ULK4: variants seen among roughly 807,000 people sequenced by gnomAD.
ULK4 encodes unc-51 like kinase 4, also known as inactive serine/threonine-protein kinase ULK4.
Under a neutral mutation model 160.6 loss-of-function variants are expected in ULK4, and 133 were observed. The observed-to-expected ratio is 0.83, with a 90% CI of 0.72 to 0.96. The LOEUF (loss-of-function observed/expected upper bound fraction) is 0.96. Among genes scored for constraint, ULK4 ranks in the 40% least tolerant of loss-of-function variants. The probability of loss-of-function intolerance (pLI) is 0.00; values close to 1 mark genes in which losing one functional copy is unlikely to be tolerated. For missense variants in ULK4, 1,580 were observed against 1,499.5 expected (o/e 1.05, Z -0.89); for synonymous variants, 534 against 539.8 (o/e 0.99, Z 0.15).
At chr3:41,851,562 G>C (rs1247592312) in intron 17 of ULK4, among the ~76,000 whole-genome samples, 3 of 152,200 alleles carry the variant, frequency 2.0e-5, no homozygotes, top group African/African-American at 7.2e-5. Context: ...TCTCTGCCAG[G>C]CTTTGGTATC....
intron 32 of ULK4, among the ~76,000 whole-genome samples, chr3:41,553,572 T>C (rs1270244769): frequency 6.6e-6 from 1 of 152,120 alleles, no homozygotes; most frequent in African/African-American, 2.4e-5. Context: ...AGAATGGCTA[T>C]TACCAAAAGG....
At chr3:41,591,805 G>A (rs979749320) in intron 31 of ULK4, among the ~76,000 whole-genome samples, 2 of 152,114 alleles carry the variant, frequency 1.3e-5, no homozygotes, top group African/African-American at 2.4e-5. Flanking sequence ...CAGCCCCCAC[G>A]TTGCACAGTT....
intron 34 of ULK4, among the ~76,000 whole-genome samples, chr3:41,447,376 T>G (rs2083324023): frequency 6.6e-6 from 1 of 152,134 alleles, no homozygotes; most frequent in Non-Finnish European, 1.5e-5. Flanking sequence ...GGAGCTCTTT[T>G]CTGGCACACC....
intron 35 of ULK4, among the ~76,000 whole-genome samples, chr3:41,298,984 T>A (rs1286756057): frequency 6.6e-6 from 1 of 152,126 alleles, no homozygotes; most frequent in East Asian, 1.9e-4. Context: ...CTGCAATTAT[T>A]CTCCCAGCAT....
intron 16 of ULK4, among the ~76,000 whole-genome samples, chr3:41,890,247 C>G (rs1697870023): frequency 6.6e-6 from 1 of 151,924 alleles, no homozygotes; most frequent in Non-Finnish European, 1.5e-5. Flanking sequence ...CCTCAATAAA[C>G]AAGAGAAAGT....
intron 2 of ULK4, among the ~76,000 whole-genome samples, chr3:41,941,894 A>G (rs1699972261): frequency 1.3e-5 from 2 of 152,038 alleles, no homozygotes; most frequent in African/African-American, 4.8e-5. Flanking sequence ...CTGATGAAAA[A>G]TAAAGGGAGC....
At chr3:41,831,531 A>ATATATATATATATAT in intron 18 of ULK4, among the ~76,000 whole-genome samples, 19 of 138,082 alleles carry the variant, frequency 1.4e-4, no homozygotes, top group African/African-American at 4.8e-4. Context: ...ATATATATAT[A>ATATATATATATATAT]TTTTTTTTTC....
At chr3:41,307,159 T>TA (rs61521129) in intron 35 of ULK4, among the ~76,000 whole-genome samples, 1,368 of 126,024 alleles carry the variant, frequency 0.011, 8 homozygotes, top group Admixed American at 0.02. Context: ...ATAAATAAAT[T>TA]AAAAAAAAAA....
chr3:41,940,640 C>G (rs1422398494), intron 2 of ULK4, among the ~76,000 whole-genome samples: 1 of 152,066 alleles, frequency 6.6e-6, no homozygotes. Context: ...CTGGGCAAGA[C>G]AGCAAGACCC....
chr3:41,359,725 C>T (rs1559543757), intron 35 of ULK4, among the ~76,000 whole-genome samples: 2 of 152,046 alleles, frequency 1.3e-5, no homozygotes, highest in African/African-American at 4.8e-5. Flanking sequence ...TCTGGAGAGG[C>T]TTTTATTTTC....
chr3:41,395,277 C>T (rs958158494), intron 35 of ULK4, among the ~76,000 whole-genome samples: 4 of 151,306 alleles, frequency 2.6e-5, no homozygotes, highest in East Asian at 1.9e-4. Flanking sequence ...CTGGGGCAGC[C>T]GTGGATTGTA....
chr3:41,487,411 A>G (rs2084578467), intron 32 of ULK4, among the ~76,000 whole-genome samples: 1 of 152,204 alleles, frequency 6.6e-6, no homozygotes, highest in African/African-American at 2.4e-5. Flanking sequence ...TTTTGTAAAA[A>G]GAGAATTAAG....
chr3:41,733,139 C>T (rs1252250240), intron 22 of ULK4, among the ~76,000 whole-genome samples: 1 of 151,900 alleles, frequency 6.6e-6, no homozygotes, highest in East Asian at 1.9e-4. Flanking sequence ...AAATAATAAA[C>T]GTTTGCAGTG....
chr3:41,721,781 G>A (rs1397505287), intron 22 of ULK4, among the ~76,000 whole-genome samples: 2 of 152,146 alleles, frequency 1.3e-5, no homozygotes, highest in African/African-American at 2.4e-5. Context: ...AATGCTGAGT[G>A]CAAGGCAAAC....
At chr3:41,464,839 C>G (rs1320178025) in intron 32 of ULK4, among the ~76,000 whole-genome samples, 1 of 152,134 alleles carries the variant, frequency 6.6e-6, no homozygotes, top group Non-Finnish European at 1.5e-5. Flanking sequence ...CCAGAGCACC[C>G]ATCTACATAC....
intron 35 of ULK4, among the ~76,000 whole-genome samples, chr3:41,275,959 G>A (rs1172605960): frequency 1.3e-5 from 2 of 152,220 alleles, no homozygotes; most frequent in Non-Finnish European, 2.9e-5. Flanking sequence ...GGACATCCAT[G>A]ATGCAGAAAG....
chr3:41,279,344 C>T (rs1043721539), intron 35 of ULK4, among the ~76,000 whole-genome samples: 2 of 150,564 alleles, frequency 1.3e-5, no homozygotes, highest in African/African-American at 4.9e-5. Flanking sequence ...GATTGATGTA[C>T]CTGAAAATGA....
intron 35 of ULK4, among the ~76,000 whole-genome samples, chr3:41,303,041 A>G (rs1431462667): frequency 2.6e-5 from 4 of 152,236 alleles, no homozygotes; most frequent in African/African-American, 9.6e-5. Flanking sequence ...GGAACAAAAT[A>G]TCACATTCAA....
intron 35 of ULK4, among the ~76,000 whole-genome samples, chr3:41,271,997 AC>A (rs2125686798): frequency 1.3e-5 from 2 of 152,136 alleles, no homozygotes; most frequent in Non-Finnish European, 2.9e-5. Context: ...GCTCACTGCA[AC>A]CTCTGCCTCC....
Sources: allele counts gnomAD v4.1 joint callset (sites outside exome capture counted in the v4.1 genomes callset), GRCh38; gene constraint gnomAD v4.1.1; transcripts MANE v1.5; gene names NCBI Gene and HGNC (gene_info 2026-07-23, HGNC 2026-07-21).